ATRNL1: variants seen among roughly 807,000 people sequenced by gnomAD.
ATRNL1 encodes the protein attractin-like protein 1.
Under a neutral mutation model 182.7 loss-of-function variants are expected in ATRNL1, and 95 were observed. The ratio of observed to expected loss-of-function variants is 0.52; its 90% CI spans 0.44 to 0.62. The LOEUF is 0.62. ATRNL1 is among the 20% of genes least tolerant of loss of function. ATRNL1 has a pLI of 0.00. For synonymous variants in ATRNL1, 576 were observed against 568.3 expected, an observed-to-expected ratio of 1.01 and a Z score of -0.19; for missense variants, 1,471 against 1,679.5, an observed-to-expected ratio of 0.88 and a Z score of 2.17.
chr10:115,272,719 C>T (rs1851924119), intron 13 of ATRNL1, among the ~76,000 whole-genome samples: 1 of 152,108 alleles, frequency 6.6e-6, no homozygotes, highest in Non-Finnish European at 1.5e-5. Flanking sequence ...CTTCTGTCAG[C>T]CTTGCAAGGT....
chr10:115,760,982 G>C (rs1228243158), intron 27 of ATRNL1, among the ~76,000 whole-genome samples: 5 of 152,134 alleles, frequency 3.3e-5, no homozygotes, highest in Non-Finnish European at 5.9e-5. Flanking sequence ...ATGATCCATG[G>C]GAGGTCTCCT....
intron 8 of ATRNL1, among the ~76,000 whole-genome samples, chr10:115,180,893 T>G (rs991016273): frequency 5.5e-4 from 83 of 152,090 alleles, no homozygotes; most frequent in African/African-American, 1.8e-3. Context: ...GTAAATAGTT[T>G]AGGCTTTGTA....
chr10:115,632,358 T>G (rs914577767), intron 26 of ATRNL1, among the ~76,000 whole-genome samples: 3 of 151,952 alleles, frequency 2.0e-5, no homozygotes, highest in African/African-American at 7.3e-5. Flanking sequence ...CAGAAAGAAA[T>G]AAATAAAAAT....
chr10:115,445,506 CGTGTGTGTGTGTGTGTGTGTGTGT>C (rs57237450), intron 21 of ATRNL1, among the ~76,000 whole-genome samples: 9 of 119,272 alleles, frequency 7.5e-5, no homozygotes, highest in African/African-American at 2.5e-4. Context: ...CTCATTTGTC[CGTGTGTGTGTGTGTGTGTGTGTGT>C]GTGTGTGTGT....
At chr10:115,190,859 T>C (rs1000337830) in intron 8 of ATRNL1, among the ~76,000 whole-genome samples, 5 of 152,154 alleles carry the variant, frequency 3.3e-5, no homozygotes, top group Non-Finnish European at 7.4e-5. Context: ...CAGCCTCACT[T>C]TATCCCCTGC....
At chr10:115,260,645 A>C (rs1444814672) in intron 10 of ATRNL1, among the ~76,000 whole-genome samples, 1 of 152,346 alleles carries the variant, frequency 6.6e-6, no homozygotes, top group East Asian at 1.9e-4. Context: ...GATAATCCAC[A>C]GAGGAGATTA....
intron 19 of ATRNL1, among the ~76,000 whole-genome samples, chr10:115,372,682 T>G (rs2134202399): frequency 6.6e-6 from 1 of 152,318 alleles, no homozygotes; most frequent in South Asian, 2.1e-4. Context: ...CAATAGACTC[T>G]ATGGTTATGG....
intron 19 of ATRNL1, among the ~76,000 whole-genome samples, chr10:115,344,349 C>T (rs1032320279): frequency 2.0e-5 from 3 of 152,168 alleles, no homozygotes; most frequent in Non-Finnish European, 4.4e-5. Context: ...ACGCAATATG[C>T]AGTCCTTCCC....
intron 17 of ATRNL1, among the ~76,000 whole-genome samples, chr10:115,305,545 G>A (rs1434480311): frequency 2.0e-5 from 3 of 152,122 alleles, no homozygotes; most frequent in African/African-American, 7.2e-5. Context: ...AAAACTAGGA[G>A]CCAGCTGCCC....
intron 26 of ATRNL1, among the ~76,000 whole-genome samples, chr10:115,572,381 T>C (rs1040101284): frequency 1.3e-5 from 2 of 152,042 alleles, no homozygotes; most frequent in Non-Finnish European, 1.5e-5. Context: ...TTAGGATTTG[T>C]TTTTGAGGTC....
intron 28 of ATRNL1, among the ~76,000 whole-genome samples, chr10:115,933,348 A>G (rs1278839429): frequency 3.3e-5 from 5 of 152,238 alleles, no homozygotes; most frequent in Non-Finnish European, 4.4e-5. Flanking sequence ...CTACCAGTGC[A>G]GTTCTCACTC....
chr10:115,883,698 A>C (rs1951879495), intron 28 of ATRNL1, among the ~76,000 whole-genome samples: 1 of 152,240 alleles, frequency 6.6e-6, no homozygotes, highest in Non-Finnish European at 1.5e-5. Context: ...GCTGGGAGTC[A>C]GGAGGAGAGT....
chr10:115,672,637 A>G (rs782697354), intron 26 of ATRNL1, among the ~76,000 whole-genome samples: 2 of 152,094 alleles, frequency 1.3e-5, no homozygotes, highest in Non-Finnish European at 2.9e-5. Context: ...TTTCAAAGTA[A>G]TAACTTTTCT....
At chr10:115,690,895 A>G (rs1337517616) in intron 26 of ATRNL1, among the ~76,000 whole-genome samples, 1 of 152,040 alleles carries the variant, frequency 6.6e-6, no homozygotes, top group Non-Finnish European at 1.5e-5. Context: ...CCATTGCTCA[A>G]ATTGCAGCAG....
chr10:115,218,024 G>A (rs1849297704), intron 9 of ATRNL1, among the ~76,000 whole-genome samples: 1 of 152,042 alleles, frequency 6.6e-6, no homozygotes, highest in African/African-American at 2.4e-5. Context: ...GACCCAGGGA[G>A]GGGAGATGGT....
At chr10:115,192,925 C>T (rs1434499607) in intron 8 of ATRNL1, among the ~76,000 whole-genome samples, 2 of 151,626 alleles carry the variant, frequency 1.3e-5, no homozygotes, top group African/African-American at 4.8e-5. Context: ...GATTTTGTAT[C>T]CCTGCAACAT....
intron 27 of ATRNL1, among the ~76,000 whole-genome samples, chr10:115,818,911 T>G (rs1171970650): frequency 6.6e-6 from 1 of 152,152 alleles, no homozygotes. Context: ...CAGAGTCTAT[T>G]GTCCAGTGGC....
intron 10 of ATRNL1, among the ~76,000 whole-genome samples, chr10:115,259,168 A>T (rs1247207044): frequency 6.6e-6 from 1 of 152,154 alleles, no homozygotes; most frequent in Non-Finnish European, 1.5e-5. Flanking sequence ...TCAGACAGGG[A>T]CTTTTAAGTC....
intron 26 of ATRNL1, among the ~76,000 whole-genome samples, chr10:115,669,943 T>G (rs2133925430): frequency 6.6e-6 from 1 of 152,232 alleles, no homozygotes; most frequent in South Asian, 2.1e-4. Context: ...ATTTCATAAC[T>G]TGTCATTTCC....
Sources: allele counts gnomAD v4.1 joint callset (sites outside exome capture counted in the v4.1 genomes callset), GRCh38; gene constraint gnomAD v4.1.1; transcripts MANE v1.5; gene names NCBI Gene and HGNC (gene_info 2026-07-23, HGNC 2026-07-21).